Variants in LATS2 observed in about 807,000 individuals in gnomAD.
The protein encoded by LATS2 is serine/threonine-protein kinase LATS2.
A neutral mutation model predicts 76.0 loss-of-function variants in LATS2; 24 were observed. The observed-to-expected ratio is 0.32, with a 90% CI of 0.23 to 0.44. The LOEUF (loss-of-function observed/expected upper bound fraction) is 0.44, where lower values mean the gene tolerates loss of function less well. Ranked by LOEUF, LATS2 falls within the 20% of genes least tolerant of loss-of-function variation. LATS2 has a pLI of 1.00. For missense variants in LATS2, 1,286 were observed against 1,481.2 expected (o/e 0.87, Z 2.16); for synonymous variants, 692 against 635.4 (o/e 1.09, Z -1.34).
In LATS2 at chr13:20,987,802, A is replaced by G; in HGVS notation, c.1899+79T>C. 5 of 1,508,026 alleles carry G rather than the reference A, an allele frequency of 3.3e-6. 2 individuals are homozygous for G. The South Asian group carries it at 6.4e-5, about 19-fold the overall frequency. The allele number at this position is 1,508,026 out of a possible 1,614,324, so 93.4% of individuals were successfully genotyped here. ...GATAAGGGGTATACAGTCGAAACAG[A>G]AAAGGGATTGTGCGTGCTTCCTATT... On this transcript the variant is annotated intron_variant, in intron 4 of 7. Transcript: ENST00000382592.
At chr13:21,060,926 G>A (rs144411531) in intron 1 of LATS2, among the ~76,000 whole-genome samples, 1,862 of 151,516 alleles carry the variant, frequency 0.012, 31 homozygotes, top group African/African-American at 0.043. Context: ...GGAGACAGCG[G>A]AAGCAGAGGC....
chr13:21,001,958 G>A (rs1871060708), intron 2 of LATS2, among the ~76,000 whole-genome samples: 1 of 151,710 alleles, frequency 6.6e-6, no homozygotes, highest in Non-Finnish European at 1.5e-5. Flanking sequence ...CTGTCGCCCA[G>A]GCTGGAGTGC....
At chr13:21,013,617 C>T (rs1369449996) in intron 2 of LATS2, among the ~76,000 whole-genome samples, 1 of 152,154 alleles carries the variant, frequency 6.6e-6, no homozygotes, top group African/African-American at 2.4e-5. Flanking sequence ...TCTTTATTTA[C>T]TCTCTGAAAT....
chr13:20,981,159 C>T (rs1190288958), intron 6 of LATS2, among the ~76,000 whole-genome samples: 1 of 152,180 alleles, frequency 6.6e-6, no homozygotes, highest in African/African-American at 2.4e-5. Flanking sequence ...TCCTGTGGCC[C>T]TCAGAGTGGT....
rs961990990 is a variant in LATS2, at chr13:21,013,697, G to A, written c.343-22293C>T. On this transcript the variant is annotated intron_variant, in intron 2 of 7. Transcript: ENST00000382592. The stretch of plus-strand genomic sequence containing the variant: ...AAATAAAATAAGGGCCAGGTGCAGC[G>A]GCTCGAGCCTGCAATCCCAGCACTT... 7.9e-5 allele frequency among the ~76,000 whole-genome samples: 12 copies of A among 152,200 alleles called. No individual in the cohort carries two copies. The East Asian group carries it at 1.2e-3, about 15-fold the overall frequency.
At chr13:21,060,939 G>A (rs1454175078) in intron 1 of LATS2, among the ~76,000 whole-genome samples, 1 of 151,434 alleles carries the variant, frequency 6.6e-6, no homozygotes, top group East Asian at 1.9e-4. Context: ...GCAGAGGCGC[G>A]CCCGGCGCTA....
chr13:21,038,255 C>T (rs1872745996), intron 2 of LATS2, among the ~76,000 whole-genome samples: 1 of 152,052 alleles, frequency 6.6e-6, no homozygotes, highest in South Asian at 2.1e-4. Flanking sequence ...GCATGAGGTG[C>T]TTCCGAGGAG....
chr13:21,031,515 G>A (rs1872529833), intron 2 of LATS2, among the ~76,000 whole-genome samples: 1 of 152,082 alleles, frequency 6.6e-6, no homozygotes, highest in Non-Finnish European at 1.5e-5. Flanking sequence ...TTGCTTTTCA[G>A]TTTAGAGTTT....
At chr13:21,009,241 C>A (rs1871477830) in intron 2 of LATS2, among the ~76,000 whole-genome samples, 1 of 152,212 alleles carries the variant, frequency 6.6e-6, no homozygotes, top group Admixed American at 6.5e-5. Flanking sequence ...TTGGCTCCCC[C>A]ACCACGTGGT....
At chr13:20,989,934 A>C (rs1304960963) in intron 3 of LATS2, among the ~76,000 whole-genome samples, 2 of 152,218 alleles carry the variant, frequency 1.3e-5, no homozygotes, top group Non-Finnish European at 2.9e-5. Context: ...CCTGACCTCC[A>C]TTTTGTACAT....
Position 20,973,512 on chromosome 13 carries a change from C to CTGTG in LATS2, c.*1357_*1358insCACA, listed in dbSNP as rs1157095470. The CTGTG allele has an allele frequency of 4.5e-5, 6 of 131,952 alleles. No individual in the cohort carries two copies. The East Asian group carries it at 5.2e-4, about 11-fold the overall frequency. 8.2% of individuals were successfully genotyped at this position (131,952 alleles called of 1,614,324 possible). A position where few individuals can be genotyped will look rare whatever the true frequency, so the allele number is the denominator to read the frequency against. ...TTGAAATAAGGAATATTGTGTTTAT[C>CTGTG]TCTGTGTGTGTGTGTGTGTGTGTAT... On this transcript the variant is annotated 3_prime_UTR_variant, in exon 8 of 8. Transcript: ENST00000382592.
rs760003572 is a variant in LATS2, at chr13:20,988,542, T to A, written c.1238A>T (p.Gln413Leu). Residue 413 changes from glutamine (Q) to leucine (L), a missense_variant, in exon 4 of 8, where the codon CAG becomes CTG. Coordinates refer to ENST00000382592, the MANE Select transcript of LATS2 (RefSeq NM_014572.3). ...PSRTNSFNSH[Q>L]PRPGPPGKAE... is the part of the protein sequence containing the mutation. ...CTTGCCAGGCGGACCGGGCCGCGGC[T>A]GGTGGCTGTTGAAGGAGTTGGTCCT... 41 of 1,579,176 alleles carry A rather than the reference T, an allele frequency of 2.6e-5. No homozygotes were observed. The highest frequency in any genetic ancestry group is 3.0e-5 in the Non-Finnish European group (35 of 1,171,406).
chr13:21,011,606 G>A (rs1352361122), intron 2 of LATS2, among the ~76,000 whole-genome samples: 2 of 152,174 alleles, frequency 1.3e-5, no homozygotes, highest in Non-Finnish European at 2.9e-5. Flanking sequence ...TGGAGACTTT[G>A]CCTTGGCCTA....
chr13:21,043,939 T>G (rs1230696796), intron 2 of LATS2, among the ~76,000 whole-genome samples: 1 of 152,222 alleles, frequency 6.6e-6, no homozygotes, highest in Non-Finnish European at 1.5e-5. Context: ...TCTGCAATCT[T>G]ACTCCAGATT....
At chr13:21,020,952 A>C (rs1872035091) in intron 2 of LATS2, among the ~76,000 whole-genome samples, 1 of 152,160 alleles carries the variant, frequency 6.6e-6, no homozygotes, top group African/African-American at 2.4e-5. Context: ...TCTTTAAGCC[A>C]CACATCCGTG....
intron 7 of LATS2, among the ~76,000 whole-genome samples, chr13:20,977,737 T>G (rs1238361593): frequency 6.6e-6 from 1 of 152,164 alleles, no homozygotes; most frequent in African/African-American, 2.4e-5. Flanking sequence ...AATTTACCAT[T>G]AAAATAATTA....
intron 2 of LATS2, among the ~76,000 whole-genome samples, chr13:20,999,458 A>G (rs1870937766): frequency 6.6e-6 from 1 of 152,184 alleles, no homozygotes; most frequent in Non-Finnish European, 1.5e-5. Context: ...TCTGCTGCAG[A>G]AGCGAGCACT....
At position 20,988,492 on chromosome 13, in the gene LATS2, T is replaced by C. The variant is rs752954404; in HGVS notation, c.1288A>G (p.Asn430Asp). 4.3e-6 allele frequency: 6 copies of C among 1,397,888 alleles called. No individual in the cohort carries two copies. In the South Asian group the frequency reaches 7.3e-5, roughly 17 times the overall value. 86.6% of individuals were successfully genotyped at this position (1,397,888 alleles called of 1,614,324 possible). Residue 430 changes from asparagine to aspartate, a missense_variant, in exon 4 of 8, where the codon AAC becomes GAC. By Grantham distance (23) the Asn-to-Asp change is conservative. This residue lies in a region of LATS2 where 710 missense variants were observed against 660.9 expected (regional missense o/e 1.07). Transcript: ENST00000382592. ...GKAEPSLPAP[N>D]TVTAVTAAHI... ...GCGGCCGTGACAGCCGTCACGGTGT[T>C]GGGGGCGGGCAGGGAGGGCTCGGCC...
rs919881871 is a variant in LATS2, at chr13:20,991,079, C to G, written c.475+193G>C. On this transcript the variant is annotated intron_variant, in intron 3 of 7. Coordinates refer to ENST00000382592, the MANE Select transcript of LATS2 (RefSeq NM_014572.3). The surrounding 1 kb of genome is among the most constrained non-coding windows in gnomAD (Gnocchi z 4.9). The stretch of plus-strand genomic sequence containing the variant: ...GCCAGGCGTGTCCCACGGTCTACCA[C>G]TTGGGGCTGCTCCCGCCAGGGCCTG... 1.2e-4 allele frequency among the ~76,000 whole-genome samples: 18 copies of G among 152,266 alleles called. No individual in the cohort carries two copies. The highest frequency in any genetic ancestry group is 1.3e-4 in the Admixed American group (2 of 15,294).
Sources: gnomAD v4.1 joint callset for allele counts (sites outside exome capture counted in the v4.1 genomes callset) on GRCh38, gnomAD v4.1.1 for gene constraint, gnomAD v4.1.1 regional missense constraint, Gnocchi (gnomAD v3.1) non-coding constraint, MANE v1.5 for transcripts, NCBI Gene and HGNC (gene_info 2026-07-23, HGNC 2026-07-21) for gene names.